The following PLCB1 variants were observed in gnomAD, a reference collection of about 807,000 sequenced individuals.
PLCB1 encodes the protein 1-phosphatidylinositol 4,5-bisphosphate phosphodiesterase beta-1.
Under a neutral mutation model 161.8 loss-of-function variants are expected in PLCB1, and 46 were observed. The observed-to-expected ratio is 0.28, with a 90% CI of 0.22 to 0.36. The LOEUF (loss-of-function observed/expected upper bound fraction) is 0.36. Among genes scored for constraint, PLCB1 ranks in the 10% least tolerant of loss-of-function variants. The pLI, the probability that PLCB1 is intolerant of heterozygous loss-of-function variation, is 1.00. For synonymous variants in PLCB1, 517 were observed against 503.7 expected, an observed-to-expected ratio of 1.03 and a Z score of -0.35; for missense variants, 1,016 against 1,472.5, an observed-to-expected ratio of 0.69 and a Z score of 5.07.
At chr20:8,651,543 G>A (rs1343065106) in intron 7 of PLCB1, 1 of 715,070 alleles carries the variant, frequency 1.4e-6, no homozygotes, top group Non-Finnish European at 2.6e-6. Flanking sequence ...TTTGTTAGAT[G>A]CTTTGGAATA....
chr20:8,759,228 A>G (rs1476768621), intron 24 of PLCB1, among the ~76,000 whole-genome samples: 1 of 152,172 alleles, frequency 6.6e-6, no homozygotes, highest in African/African-American at 2.4e-5. Flanking sequence ...GCACCATGCA[A>G]GTGATACTCG....
intron 9 of PLCB1, among the ~76,000 whole-genome samples, chr20:8,680,734 A>G (rs1177036432): frequency 1.3e-5 from 2 of 152,080 alleles, no homozygotes; most frequent in Admixed American, 1.3e-4. Flanking sequence ...AGGGATTTTT[A>G]AATTCTTTAA....
chr20:8,304,222 T>C (rs891324168), intron 2 of PLCB1, among the ~76,000 whole-genome samples: 2 of 152,166 alleles, frequency 1.3e-5, no homozygotes, highest in Non-Finnish European at 2.9e-5. Flanking sequence ...CTGGCTTCAT[T>C]ATTTATCATG....
At chr20:8,183,966 C>T (rs1460128869) in intron 2 of PLCB1, among the ~76,000 whole-genome samples, 1 of 152,058 alleles carries the variant, frequency 6.6e-6, no homozygotes, top group East Asian at 1.9e-4. Flanking sequence ...ATTCTTCCAT[C>T]TTGAAAATTT....
At chr20:8,815,737 T>A (rs575207917) in intron 31 of PLCB1, among the ~76,000 whole-genome samples, 1 of 152,174 alleles carries the variant, frequency 6.6e-6, no homozygotes, top group Non-Finnish European at 1.5e-5. Flanking sequence ...TCTAGAAATA[T>A]CTGACTATTA....
chr20:8,644,794 C>T (rs906785419), intron 4 of PLCB1, among the ~76,000 whole-genome samples: 14 of 152,158 alleles, frequency 9.2e-5, no homozygotes, highest in African/African-American at 3.4e-4. Context: ...GTGAGGGGCC[C>T]CTCTGCTCGG....
At chr20:8,600,130 C>T (rs1175254964) in intron 3 of PLCB1, among the ~76,000 whole-genome samples, 2 of 96,706 alleles carry the variant, frequency 2.1e-5, no homozygotes, top group Non-Finnish European at 4.5e-5. Context: ...CAGCTTTGTT[C>T]CGTTGCTGGT....
intron 7 of PLCB1, among the ~76,000 whole-genome samples, chr20:8,655,772 G>A (rs1325808868): frequency 1.3e-5 from 2 of 152,018 alleles, no homozygotes; most frequent in Non-Finnish European, 2.9e-5. Flanking sequence ...CAGTGCCATT[G>A]AGCATGTTCT....
At chr20:8,530,695 T>C (rs1984778688) in intron 3 of PLCB1, among the ~76,000 whole-genome samples, 1 of 152,110 alleles carries the variant, frequency 6.6e-6, no homozygotes, top group South Asian at 2.1e-4. Flanking sequence ...TTTTCAACTA[T>C]TATATGTCTT....
intron 2 of PLCB1, among the ~76,000 whole-genome samples, chr20:8,368,528 C>CAAAAAAAAAAAAAAAAAA (rs1216338206): frequency 1.3e-3 from 85 of 63,570 alleles, no homozygotes; most frequent in East Asian, 1.9e-3. Context: ...CTCTGTCTCT[C>CAAAAAAAAAAAAAAAAAA]AAAAAAAAAA....
intron 26 of PLCB1, among the ~76,000 whole-genome samples, chr20:8,773,785 C>T (rs1982808899): frequency 6.6e-6 from 1 of 152,060 alleles, no homozygotes; most frequent in Admixed American, 6.6e-5. Context: ...ACCATGCTAG[C>T]CAACATGGTG....
At chr20:8,317,353 G>T (rs768589031) in intron 2 of PLCB1, among the ~76,000 whole-genome samples, 1 of 151,992 alleles carries the variant, frequency 6.6e-6, no homozygotes, top group Admixed American at 6.6e-5. Flanking sequence ...TCAAAGTCCC[G>T]TTTGGGTCAT....
At chr20:8,366,769 A>G (rs955477117) in intron 2 of PLCB1, among the ~76,000 whole-genome samples, 2 of 149,494 alleles carry the variant, frequency 1.3e-5, no homozygotes, top group Non-Finnish European at 2.9e-5. Context: ...CTTTTAGTAC[A>G]TGCCTCGTTT....
chr20:8,433,623 T>G (rs1242774822), intron 3 of PLCB1, among the ~76,000 whole-genome samples: 1 of 147,200 alleles, frequency 6.8e-6, no homozygotes, highest in African/African-American at 2.6e-5. Flanking sequence ...TTGCAAGTAT[T>G]AAATAAGAAA....
intron 3 of PLCB1, among the ~76,000 whole-genome samples, chr20:8,564,559 T>C (rs1333070119): frequency 6.6e-6 from 1 of 151,990 alleles, no homozygotes; most frequent in Non-Finnish European, 1.5e-5. Flanking sequence ...ACCTACAGAA[T>C]GGGAGAAAAT....
At chr20:8,855,677 A>G (rs2146306940) in intron 31 of PLCB1, among the ~76,000 whole-genome samples, 1 of 152,364 alleles carries the variant, frequency 6.6e-6, no homozygotes, top group Non-Finnish European at 1.5e-5. Context: ...AACATTTTAA[A>G]TATCAGAACA....
chr20:8,139,096 T>A (rs2051377814), intron 1 of PLCB1, among the ~76,000 whole-genome samples: 1 of 138,924 alleles, frequency 7.2e-6, no homozygotes, highest in Non-Finnish European at 1.6e-5. Context: ...TTTTTTTTTT[T>A]TTTTTTTTGA....
intron 3 of PLCB1, among the ~76,000 whole-genome samples, chr20:8,455,396 A>G (rs1981261669): frequency 6.8e-6 from 1 of 146,128 alleles, no homozygotes; most frequent in Non-Finnish European, 1.5e-5. Flanking sequence ...ATTAAATGAG[A>G]TATATATAAC....
chr20:8,864,935 T>C (rs1987376577), intron 31 of PLCB1, among the ~76,000 whole-genome samples: 1 of 152,196 alleles, frequency 6.6e-6, no homozygotes, highest in Admixed American at 6.5e-5. Context: ...GATATGGTTA[T>C]CTGATGGGAA....
Sources: allele counts gnomAD v4.1 joint callset (sites outside exome capture counted in the v4.1 genomes callset), GRCh38; gene constraint gnomAD v4.1.1; transcripts MANE v1.5; gene names NCBI Gene and HGNC (gene_info 2026-07-23, HGNC 2026-07-21).